RFX7: variants seen among roughly 807,000 people sequenced by gnomAD.
RFX7 encodes the protein DNA-binding protein RFX7.
In RFX7, 26 loss-of-function variants were observed where a neutral mutation model predicts 111.8. The observed-to-expected ratio is 0.23, with a 90% CI of 0.17 to 0.32. RFX7 has a LOEUF of 0.32. Among genes scored for constraint, RFX7 ranks in the 10% least tolerant of loss-of-function variants. The pLI is 1.00. For synonymous variants in RFX7, 624 were observed against 624.4 expected (o/e 1.00, Z 0.01); for missense variants, 1,573 against 1,772.9 (o/e 0.89, Z 2.02).
Position 56,141,656 on chromosome 15 carries a change from A to AATAAATATATAT in RFX7, c.401+1121_401+1122insATATATATTTAT, listed in dbSNP as rs1555421060. Among the ~76,000 whole-genome samples, 7 of 83,210 alleles carry AATAAATATATAT rather than the reference A, an allele frequency of 8.4e-5. 2 individuals carry two copies. The highest frequency in any genetic ancestry group is 1.5e-4 in the Non-Finnish European group (7 of 45,250). The allele number at this position is 83,210 out of a possible 152,430, so 54.6% of individuals were successfully genotyped here. On this transcript the variant is annotated intron_variant, in intron 5 of 9. Coordinates refer to ENST00000559447, the MANE Select transcript of RFX7 (RefSeq NM_022841.7). ...TAATGAAGAATCTATGCTTACTCTAAATATATATATATATATATATGCATA... is the reference window on the plus strand; with the variant it reads ...TAATGAAGAATCTATGCTTACTCTAAATAAATATATATATATATATATATATATATATGCATA...
chr15:56,137,531 G>T (rs2042322205), intron 5 of RFX7, among the ~76,000 whole-genome samples: 2 of 152,144 alleles, frequency 1.3e-5, no homozygotes, highest in South Asian at 4.1e-4. Context: ...CTTGCTAGCG[G>T]TCTATCAATC....
chr15:56,097,988 T>C (rs4363812), intron 9 of RFX7, 93 bp downstream of exon 9: 255,555 of 1,148,328 alleles, frequency 0.22, 31,224 homozygotes, highest in East Asian at 0.48. Context: ...TTGTGGCTAC[T>C]CTTATACCTG....
intron 2 of RFX7, among the ~76,000 whole-genome samples, chr15:56,221,140 G>C (rs965174893): frequency 6.6e-6 from 1 of 152,164 alleles, no homozygotes; most frequent in African/African-American, 2.4e-5. Flanking sequence ...TGTTCATTTT[G>C]CTTAGGATTG....
intron 2 of RFX7, among the ~76,000 whole-genome samples, chr15:56,229,827 C>T (rs2043529674): frequency 6.6e-6 from 1 of 151,956 alleles, no homozygotes. Context: ...TCTTTGGACC[C>T]CTGCCCCCCA....
At chr15:56,225,743 T>A (rs2043476070) in intron 2 of RFX7, among the ~76,000 whole-genome samples, 1 of 152,142 alleles carries the variant, frequency 6.6e-6, no homozygotes, top group African/African-American at 2.4e-5. Flanking sequence ...GCATAACCGT[T>A]TCCTTCTATA....
intron 2 of RFX7, among the ~76,000 whole-genome samples, chr15:56,233,794 G>A (rs1276852714): frequency 6.6e-6 from 1 of 152,126 alleles, no homozygotes; most frequent in Admixed American, 6.5e-5. Context: ...CTGGTACTCT[G>A]CTCCAGTTCC....
At chr15:56,159,742 G>A (rs1434742583) in intron 3 of RFX7, among the ~76,000 whole-genome samples, 1 of 152,122 alleles carries the variant, frequency 6.6e-6, no homozygotes, top group East Asian at 1.9e-4. Context: ...CCGGACATCT[G>A]TTTCTGAACT....
chr15:56,184,808 G>A (rs532641065), intron 2 of RFX7, among the ~76,000 whole-genome samples: 3 of 152,018 alleles, frequency 2.0e-5, no homozygotes, highest in African/African-American at 7.3e-5. Context: ...TATAATTACT[G>A]CCACTGGCAT....
intron 3 of RFX7, among the ~76,000 whole-genome samples, chr15:56,163,401 T>C (rs189457791): frequency 5.9e-5 from 9 of 152,288 alleles, no homozygotes; most frequent in Non-Finnish European, 8.8e-5. Context: ...TGAAGAAGAC[T>C]GGCTTCTGAT....
rs867604622 is a variant in RFX7, at chr15:56,111,437, C to T, written c.402-7767G>A. 4.6e-3 allele frequency among the ~76,000 whole-genome samples: 700 copies of T among 151,232 alleles called. 10 individuals carry two copies. The highest frequency in any genetic ancestry group is 9.3e-3 in the Admixed American group (142 of 15,216). On this transcript the variant is annotated intron_variant, in intron 5 of 9. Transcript: ENST00000559447. ...TGCAAGATGTGCTTTGTTAAACAGA[C>T]GCTTGAAGGCAGCATGCTCGTTAAG...
chr15:56,200,213 T>C (rs1269554259), intron 2 of RFX7, among the ~76,000 whole-genome samples: 1 of 152,018 alleles, frequency 6.6e-6, no homozygotes, highest in Non-Finnish European at 1.5e-5. Context: ...CAGGAAACAA[T>C]CTCCATAAAA....
chr15:56,095,327 C>G lies in RFX7; in HGVS notation c.2401G>C (p.Asp801His), dbSNP rs775070764. The G allele has an allele frequency of 5.6e-6, 9 of 1,613,820 alleles. No homozygotes were observed. The Admixed American group carries it at 1.3e-4, about 24-fold the overall frequency. Residue 801 changes from aspartate to histidine, a missense_variant, in exon 10 of 10, where the codon GAT (aspartate) becomes CAT (histidine). By Grantham distance (81) the Asp-to-His change is moderately conservative. Transcript: ENST00000559447. ...FISASCEQQQ[D>H]ISVMTIPEHS... ...TCAGGAATTGTCATAACACTGATAT[C>G]TTGCTGTTGTTCACAACTGGCAGAT...
chr15:56,165,141 G>A (rs1252571290), intron 3 of RFX7, among the ~76,000 whole-genome samples: 2 of 149,802 alleles, frequency 1.3e-5, no homozygotes, highest in African/African-American at 4.9e-5. Flanking sequence ...ATCTAATGCC[G>A]CTGCTGATCT....
Position 56,109,489 on chromosome 15 carries a change from GTC to G in RFX7, c.402-5821_402-5820del, listed in dbSNP as rs541392062. Among the ~76,000 whole-genome samples, 165 of 152,264 alleles carry G rather than the reference GTC, an allele frequency of 1.1e-3. 1 individual carries two copies. The highest frequency in any genetic ancestry group is 3.8e-3 in the African/African-American group (158 of 41,550). On this transcript the variant is annotated intron_variant, in intron 5 of 9. Coordinates refer to ENST00000559447, the MANE Select transcript of RFX7 (RefSeq NM_022841.7). ...CCACCCGGTCTGGGAGGTGAGGAGC[GTC>G]TCTGCCTGGCCGCCCATCGTCTGGG...
At chr15:56,147,620 C>G (rs1238263253) in intron 3 of RFX7, among the ~76,000 whole-genome samples, 1 of 151,602 alleles carries the variant, frequency 6.6e-6, no homozygotes, top group Non-Finnish European at 1.5e-5. Context: ...GTCGCCCAGG[C>G]TGGAGTGCAG....
chr15:56,217,727 T>C (rs1596016487), intron 2 of RFX7, among the ~76,000 whole-genome samples: 1 of 152,336 alleles, frequency 6.6e-6, no homozygotes, highest in South Asian at 2.1e-4. Context: ...TTTATTTAAT[T>C]ATAGCTTTAA....
chr15:56,103,232 T>A (rs533947353), intron 6 of RFX7, among the ~76,000 whole-genome samples: 1 of 151,166 alleles, frequency 6.6e-6, no homozygotes, highest in South Asian at 2.1e-4. Context: ...TTTATTCTTA[T>A]AATTGTTAAA....
chr15:56,110,013 G>T (rs2041893172), intron 5 of RFX7, among the ~76,000 whole-genome samples: 1 of 130,264 alleles, frequency 7.7e-6, no homozygotes, highest in African/African-American at 2.9e-5. Flanking sequence ...GGAGGCGAGG[G>T]GCGCCTCTGC....
intron 2 of RFX7, among the ~76,000 whole-genome samples, chr15:56,229,983 C>T (rs2718941): frequency 0.32 from 49,137 of 151,938 alleles, 9,063 homozygotes; most frequent in East Asian, 0.41. Context: ...TACCTCCTTC[C>T]TTATCTGCCC....
Sources: allele counts gnomAD v4.1 joint callset (sites outside exome capture counted in the v4.1 genomes callset), GRCh38; gene constraint gnomAD v4.1.1; transcripts MANE v1.5; gene names NCBI Gene and HGNC (gene_info 2026-07-23, HGNC 2026-07-21).